GLRB: variants seen among roughly 807,000 people sequenced by gnomAD.
GLRB encodes glycine receptor subunit beta.
Under a neutral mutation model 54.2 loss-of-function variants are expected in GLRB, and 33 were observed. The observed-to-expected ratio is 0.61, with a 90% CI of 0.46 to 0.81. GLRB has a LOEUF of 0.81. GLRB is among the 40% of genes least tolerant of loss of function. The probability of loss-of-function intolerance (pLI) is 0.00; values close to 1 mark genes in which losing one functional copy is unlikely to be tolerated. For synonymous variants in GLRB, 209 were observed against 208.2 expected (o/e 1.00, Z -0.03); for missense variants, 572 against 584.6 (o/e 0.98, Z 0.22).
At chr4:157,089,266 G>A (rs1042696143) in intron 2 of GLRB, among the ~76,000 whole-genome samples, 8 of 151,842 alleles carry the variant, frequency 5.3e-5, no homozygotes, top group Non-Finnish European at 1.2e-4. Context: ...GGGGGAGGGG[G>A]GACACACCTG....
chr4:157,086,020 T>C (rs1418065476), intron 2 of GLRB, among the ~76,000 whole-genome samples: 1 of 152,064 alleles, frequency 6.6e-6, no homozygotes, highest in Non-Finnish European at 1.5e-5. Context: ...AGGCTGGAGT[T>C]CAGTGGTGTG....
chr4:157,095,977 C>G (rs182045597), intron 2 of GLRB, among the ~76,000 whole-genome samples: 69 of 152,170 alleles, frequency 4.5e-4, no homozygotes, highest in African/African-American at 1.6e-3. Flanking sequence ...CCTAAAAGGG[C>G]CTAAGTGGGT....
intron 8 of GLRB, among the ~76,000 whole-genome samples, chr4:157,149,941 G>C (rs1452731652): frequency 1.3e-5 from 2 of 151,434 alleles, no homozygotes; most frequent in Non-Finnish European, 2.9e-5. Flanking sequence ...TATATATGCT[G>C]TTAGGGAATT....
chr4:157,077,973 C>T, intron 1 of GLRB, 23 bp from the exon 2 acceptor site: 1 of 1,517,528 alleles, frequency 6.6e-7, no homozygotes, highest in Non-Finnish European at 9.1e-7. Flanking sequence ...TAAATGTAAA[C>T]ATTTTCTTGT....
At chr4:157,129,286 C>G (rs1220457840) in intron 4 of GLRB, among the ~76,000 whole-genome samples, 3 of 151,540 alleles carry the variant, frequency 2.0e-5, no homozygotes, top group Non-Finnish European at 4.4e-5. Flanking sequence ...GAATTTGTTT[C>G]TTGCAAGATA....
intron 2 of GLRB, among the ~76,000 whole-genome samples, chr4:157,089,827 C>T (rs1175877889): frequency 2.0e-5 from 3 of 152,120 alleles, no homozygotes; most frequent in Admixed American, 6.5e-5. Context: ...AATTAACATA[C>T]CCAACATATT....
chr4:157,142,037 A>T (rs1318343360), intron 7 of GLRB, among the ~76,000 whole-genome samples: 1 of 152,156 alleles, frequency 6.6e-6, no homozygotes, highest in African/African-American at 2.4e-5. Context: ...ACAGAAAACT[A>T]ATTTGACTTA....
At chr4:157,124,926 A>G (rs1341059780) in intron 4 of GLRB, among the ~76,000 whole-genome samples, 1 of 151,876 alleles carries the variant, frequency 6.6e-6, no homozygotes, top group African/African-American at 2.4e-5. Context: ...ATAAAGTAGA[A>G]TTGTACACAT....
intron 4 of GLRB, among the ~76,000 whole-genome samples, chr4:157,124,375 G>C (rs1735938498): frequency 6.6e-6 from 1 of 151,490 alleles, no homozygotes. Flanking sequence ...TACTTTAATA[G>C]CTTCTATACT....
intron 2 of GLRB, among the ~76,000 whole-genome samples, chr4:157,079,232 T>A (rs1252310416): frequency 6.6e-6 from 1 of 152,236 alleles, no homozygotes; most frequent in Non-Finnish European, 1.5e-5. Context: ...TAATTTTCTA[T>A]TACAGGTCAT....
At position 157,138,753 on chromosome 4, in the gene GLRB, T is replaced by G. The variant is rs545902722; in HGVS notation, c.611-56T>G. 1.6e-4 allele frequency: 137 copies of G among 865,454 alleles called. 1 individual carries two copies. In the South Asian group the frequency reaches 2.0e-3, roughly 13 times the overall value. The allele number at this position is 865,454 out of a possible 1,614,324, so 53.6% of individuals were successfully genotyped here. ...TTTAAGATTTGAATTATGAAAATAT[T>G]TAAAAAGCATTATTAATTATATTTT... On this transcript the variant is annotated intron_variant, in intron 6 of 9. Coordinates refer to ENST00000264428, the MANE Select transcript of GLRB (RefSeq NM_000824.5).
At chr4:157,082,144 G>T (rs557406449) in intron 2 of GLRB, among the ~76,000 whole-genome samples, 1 of 151,882 alleles carries the variant, frequency 6.6e-6, no homozygotes, top group Non-Finnish European at 1.5e-5. Flanking sequence ...TATACAGCCC[G>T]TACCTCTTTG....
intron 9 of GLRB, among the ~76,000 whole-genome samples, chr4:157,165,444 A>C (rs1737669620): frequency 6.6e-6 from 1 of 152,016 alleles, no homozygotes; most frequent in South Asian, 2.1e-4. Context: ...ACAGAAGTGT[A>C]ATATAATTTG....
At chr4:157,108,172 G>A (rs1164827045) in intron 2 of GLRB, among the ~76,000 whole-genome samples, 1 of 152,064 alleles carries the variant, frequency 6.6e-6, no homozygotes, top group Non-Finnish European at 1.5e-5. Context: ...ATTATACAAG[G>A]AGTTGTTTTC....
chr4:157,145,328 T>G (rs1028836143), intron 8 of GLRB, among the ~76,000 whole-genome samples: 4 of 152,204 alleles, frequency 2.6e-5, no homozygotes, highest in African/African-American at 9.6e-5. Flanking sequence ...TTACTAGCTG[T>G]GACAAGTTGG....
At chr4:157,163,047 C>A (rs1253877477) in intron 9 of GLRB, among the ~76,000 whole-genome samples, 1 of 152,170 alleles carries the variant, frequency 6.6e-6, no homozygotes, top group South Asian at 2.1e-4. Context: ...GGACACCCCT[C>A]CCCCAGCCTC....
Position 157,170,456 on chromosome 4 carries a change from G to C in GLRB, c.1222G>C (p.Val408Leu). ...LQVGETRCKK[V>L]CTSKSDLRSN... ...GGTTGGTGAGACCAGATGCAAAAAAGTTTGTACTTCTAAGTCTGATCTGAG... is the reference window on the plus strand; with the variant it reads ...GGTTGGTGAGACCAGATGCAAAAAACTTTGTACTTCTAAGTCTGATCTGAG... Residue 408 changes from valine to leucine, a missense_variant, in exon 10 of 10, where the codon GTT becomes CTT. Transcript: ENST00000264428. 1.9e-6 allele frequency: 3 copies of C among 1,607,248 alleles called. No individual in the cohort carries two copies. The highest frequency in any genetic ancestry group is 2.6e-6 in the Non-Finnish European group (3 of 1,174,170).
chr4:157,125,882 A>G (rs570867546), intron 4 of GLRB, among the ~76,000 whole-genome samples: 45 of 152,128 alleles, frequency 3.0e-4, no homozygotes, highest in Middle Eastern at 3.4e-3. Context: ...CAGGAGGTGG[A>G]GGTTGCAGTG....
At chr4:157,135,965 C>T (rs796505767) in intron 4 of GLRB, among the ~76,000 whole-genome samples, 3 of 152,240 alleles carry the variant, frequency 2.0e-5, no homozygotes, top group African/African-American at 7.2e-5. Flanking sequence ...AAAGCCTTCA[C>T]TCCATGAGAT....
Sources: allele counts gnomAD v4.1 joint callset (sites outside exome capture counted in the v4.1 genomes callset), GRCh38; gene constraint gnomAD v4.1.1; transcripts MANE v1.5; gene names NCBI Gene and HGNC (gene_info 2026-07-23, HGNC 2026-07-21).